ARHGEF6: variants seen among roughly 807,000 people sequenced by gnomAD.
ARHGEF6 encodes rho guanine nucleotide exchange factor 6.
In ARHGEF6, 9 loss-of-function variants were observed where a neutral mutation model predicts 70.3. That is an observed-to-expected ratio of 0.13 (90% CI 0.08 to 0.22). ARHGEF6 has a LOEUF of 0.22. Ranked by LOEUF, ARHGEF6 falls within the 10% of genes least tolerant of loss-of-function variation. The pLI is 1.00. For missense variants in ARHGEF6, 470 were observed against 563.0 expected (o/e 0.83, Z 1.67); for synonymous variants, 201 against 207.8 (o/e 0.97, Z 0.28).
At chrX:136,731,490 C>T (rs2076935158) in intron 6 of ARHGEF6, among the ~76,000 whole-genome samples, 1 of 111,829 alleles carries the variant, frequency 8.9e-6, no homozygotes, top group Admixed American at 9.5e-5. Flanking sequence ...GAAGAGAAAG[C>T]AGAGAGTAGA....
chrX:136,682,683 T>G, intron 13 of ARHGEF6, 75 bp downstream of exon 13: 18 of 789,292 alleles, frequency 2.3e-5, no homozygotes, highest in South Asian at 4.2e-5. Context: ...AATGCCATAG[T>G]GGAGATATTG....
chrX:136,695,420 T>C (rs188255794), intron 9 of ARHGEF6, among the ~76,000 whole-genome samples: 1 of 112,643 alleles, frequency 8.9e-6, no homozygotes, highest in Admixed American at 9.4e-5. Flanking sequence ...ATCAACTGTG[T>C]AACAAACATC....
rs997300493 is a variant in ARHGEF6, at chrX:136,679,407, T to C, written c.1830+128A>G. 2.5e-5 allele frequency: 21 copies of C among 824,514 alleles called. No individual in the cohort carries two copies. In the Admixed American group the frequency reaches 5.4e-4, roughly 21 times the overall value. 67.9% of individuals were successfully genotyped at this position (824,514 alleles called of 1,213,427 possible). ...AAGAAATCAAACAAATCACTGAGTC[T>C]GGCAATTCAAGACTGACTCACATAA... On this transcript the variant is annotated intron_variant, in intron 16 of 21. Transcript: ENST00000250617.
intron 6 of ARHGEF6, among the ~76,000 whole-genome samples, chrX:136,723,641 G>A (rs757563605): frequency 8.9e-6 from 1 of 111,867 alleles, no homozygotes; most frequent in African/African-American, 3.2e-5. Context: ...ATATTTATTT[G>A]GGCCAGGGGG....
intron 9 of ARHGEF6, among the ~76,000 whole-genome samples, chrX:136,703,151 TAC>T (rs758854187): frequency 1.8e-5 from 2 of 112,159 alleles, no homozygotes; most frequent in African/African-American, 6.5e-5. Flanking sequence ...GGCATGAATC[TAC>T]ATGACCTGGA....
At chrX:136,758,237 G>C (rs780515770) in intron 2 of ARHGEF6, among the ~76,000 whole-genome samples, 1 of 106,949 alleles carries the variant, frequency 9.4e-6, no homozygotes, top group African/African-American at 3.4e-5. Flanking sequence ...ATTTTTAGTA[G>C]AGACGAGGTC....
chrX:136,679,581 C>A lies in ARHGEF6; in HGVS notation c.1784G>T (p.Arg595Leu). 8.3e-7 allele frequency: 1 copy of A among 1,210,962 alleles called. No homozygotes were observed. The highest frequency in any genetic ancestry group is 1.8e-5 in the South Asian group (1 of 56,966). ...TGATGGTCTAAGTGGAGGTGCAGGT[C>A]GTAGACAACTTAAACTCCACGGTTT... ...IIKPWSLSCL[R>L]PAPPLRPSAA... The change falls in exon 16 of 22, where the codon CGA becomes CTA. Residue 595 changes from arginine (R) to leucine (L), a missense_variant. Coordinates refer to ENST00000250617, the MANE Select transcript of ARHGEF6 (RefSeq NM_004840.3).
intron 3 of ARHGEF6, among the ~76,000 whole-genome samples, chrX:136,746,812 T>C (rs1429431459): frequency 5.4e-5 from 6 of 111,318 alleles, no homozygotes; most frequent in Admixed American, 1.9e-4. Flanking sequence ...CTACCCCCAG[T>C]GTTGTTTCAA....
Position 136,742,297 on chromosome X carries a change from T to C in ARHGEF6, c.661+1288A>G, listed in dbSNP as rs111646201. On this transcript the variant is annotated intron_variant, in intron 5 of 21. Coordinates refer to ENST00000250617, the MANE Select transcript of ARHGEF6 (RefSeq NM_004840.3). ...TTGCGCCACTGCACTCCAGCCTGGG[T>C]GACAGAGCAAGACTCCGTCTCAAAA... Among the ~76,000 whole-genome samples the C allele has an allele frequency of 9.0e-5, 10 of 111,094 alleles. No homozygotes were observed. The South Asian group carries it at 3.4e-3, about 38-fold the overall frequency.
At chrX:136,670,004 T>C (rs1053954694) in intron 20 of ARHGEF6, among the ~76,000 whole-genome samples, 9 of 111,937 alleles carry the variant, frequency 8.0e-5, no homozygotes, top group Non-Finnish European at 1.3e-4. Flanking sequence ...TCTACACTCT[T>C]AGCAAACTTC....
intron 10 of ARHGEF6, among the ~76,000 whole-genome samples, chrX:136,689,580 A>G (rs902584851): frequency 2.7e-5 from 3 of 112,021 alleles, no homozygotes; most frequent in Non-Finnish European, 3.8e-5. Flanking sequence ...TTTCACACTG[A>G]CAGGCTTTGC....
At chrX:136,727,325 T>TTCTTTCTTTTTC (rs1556284733) in intron 6 of ARHGEF6, among the ~76,000 whole-genome samples, 1 of 61,088 alleles carries the variant, frequency 1.6e-5, no homozygotes, top group African/African-American at 6.1e-5. Flanking sequence ...CTTTCTTTCT[T>TTCTTTCTTTTTC]TTTCTTTCTT....
intron 6 of ARHGEF6, among the ~76,000 whole-genome samples, chrX:136,727,325 T>TTCTCTTTC (rs1556284733): frequency 1.0e-3 from 62 of 61,107 alleles, no homozygotes; most frequent in East Asian, 2.4e-3. Context: ...CTTTCTTTCT[T>TTCTCTTTC]TTTCTTTCTT....
At chrX:136,777,909 T>C (rs1314275376) in intron 2 of ARHGEF6, among the ~76,000 whole-genome samples, 5 of 110,310 alleles carry the variant, frequency 4.5e-5, no homozygotes, top group Non-Finnish European at 9.5e-5. Flanking sequence ...ACATCATATG[T>C]TCTCACTTAT....
At chrX:136,712,004 G>GTATTATAACTAA (rs2076690414) in intron 7 of ARHGEF6, among the ~76,000 whole-genome samples, 1 of 112,730 alleles carries the variant, frequency 8.9e-6, no homozygotes, top group Non-Finnish European at 1.9e-5. Flanking sequence ...CAAGAACAAA[G>GTATTATAACTAA]GCATTATAAC....
chrX:136,731,326 ACAT>A (rs1272630758), intron 6 of ARHGEF6, among the ~76,000 whole-genome samples: 2 of 111,931 alleles, frequency 1.8e-5, no homozygotes, highest in African/African-American at 6.5e-5. Context: ...AGACAAACGC[ACAT>A]AGAACACTGG....
intron 6 of ARHGEF6, among the ~76,000 whole-genome samples, chrX:136,718,508 C>T (rs1174023343): frequency 7.2e-5 from 8 of 111,581 alleles, no homozygotes; most frequent in Non-Finnish European, 1.5e-4. Context: ...AACCCATTCT[C>T]ATTCAAAGAC....
chrX:136,724,798 C>T (rs147847296), intron 6 of ARHGEF6, among the ~76,000 whole-genome samples: 1,295 of 111,856 alleles, frequency 0.012, 9 homozygotes, highest in African/African-American at 0.016. Flanking sequence ...CTGTCACCCT[C>T]CCTTAAAGCA....
At chrX:136,738,129 C>T (rs780034855) in intron 5 of ARHGEF6, among the ~76,000 whole-genome samples, 1 of 110,618 alleles carries the variant, frequency 9.0e-6, no homozygotes, top group South Asian at 3.9e-4. Context: ...GCACAATGCA[C>T]TCTCTGTGTC....
Sources: allele counts gnomAD v4.1 joint callset (sites outside exome capture counted in the v4.1 genomes callset), GRCh38; gene constraint gnomAD v4.1.1; transcripts MANE v1.5; gene names NCBI Gene and HGNC (gene_info 2026-07-23, HGNC 2026-07-21).